The following TTN variants were observed in gnomAD, a reference collection of about 807,000 sequenced individuals.
TTN encodes the protein connectin.
TTN carries 1,525 observed loss-of-function variants against 3,223.0 expected under a neutral mutation model. The ratio of observed to expected loss-of-function variants is 0.47; its 90% confidence interval spans 0.45 to 0.49. TTN has a LOEUF of 0.49. TTN is among the 20% of genes least tolerant of loss of function. The pLI, the probability that TTN is intolerant of heterozygous loss-of-function variation, is 0.00. For missense variants in TTN, 40,786 were observed against 43,424.0 expected, an observed-to-expected ratio of 0.94 and a Z score of 5.40; for synonymous variants, 14,094 against 15,161.0, an observed-to-expected ratio of 0.93 and a Z score of 5.17.
Position 178,546,225 on chromosome 2 carries a change from C to T in TTN, c.95106G>A (p.Met31702Ile). 3 of 1,609,930 alleles carry T rather than the reference C, an allele frequency of 1.9e-6. No homozygotes were observed. Among genetic ancestry groups the T allele is most frequent in the Non-Finnish European group, 2.5e-6 (3 of 1,177,090 alleles). Residue 31702 changes from methionine to isoleucine, a missense_variant, in exon 342 of 363, where the codon ATG (methionine) becomes ATA (isoleucine). Coordinates refer to ENST00000589042, the MANE Select transcript of TTN (RefSeq NM_001267550.2). The part of the protein sequence containing the change: ...NASGTKAVSV[M>I]VKVLDSPGPC... ...TGACATGCTTACCAAGCACTTTGAC[C>T]ATGACAGACACGGCCTTGGTCCCGC... is the stretch of plus-strand genomic sequence containing the variant.
chr2:178,776,064 C>A lies in TTN; in HGVS notation c.5800G>T (p.Asp1934Tyr). 1 of 1,614,168 alleles carries A rather than the reference C, an allele frequency of 6.2e-7. No homozygotes were observed. Among genetic ancestry groups the A allele is most frequent in the Non-Finnish European group, 8.5e-7 (1 of 1,180,008 alleles). The change falls in exon 28 of 363, where the codon GAT becomes TAT. Residue 1934 changes from aspartate (D) to tyrosine (Y), a missense_variant. By Grantham distance (160) the Asp-to-Tyr change is radical (BLOSUM62 -3). Coordinates refer to ENST00000589042, the MANE Select transcript of TTN (RefSeq NM_001267550.2). ...KVKLEIQQRE[D>Y]FRSVLRRAPE... ...GCTCTCCTAAGGACAGACCTAAAATCTTCCCTCTGTTGAATCTCAAGCTTC... is the reference window on the plus strand; with the variant it reads ...GCTCTCCTAAGGACAGACCTAAAATATTCCCTCTGTTGAATCTCAAGCTTC...
Position 178,560,345 on chromosome 2 carries a change from C to T in TTN, c.85787G>A (p.Arg28596Lys). The change falls in exon 326 of 363, where the codon AGA becomes AAA. Residue 28596 changes from arginine to lysine, a missense_variant. Arg to Lys is a conservative substitution (Grantham distance 26). Transcript: ENST00000589042. Reference protein sequence around the residue: ...IIERREKNSLRWVRVNKKPVY... With the variant: ...IIERREKNSLKWVRVNKKPVY... ...TGGTTTTTTGTTTACACGCACCCAT[C>T]TTAGGCTATTTTTCTCTCGCCTTTC... The T allele has an allele frequency of 6.2e-7, 1 of 1,613,746 alleles. No homozygotes were observed. The highest frequency in any genetic ancestry group is 8.5e-7 in the Non-Finnish European group (1 of 1,179,772).
chr2:178,582,446 C>T lies in TTN; in HGVS notation c.66010G>A (p.Ala22004Thr). The T allele has an allele frequency of 6.2e-7, 1 of 1,612,924 alleles. No homozygotes were observed. The highest frequency in any genetic ancestry group is 8.5e-7 in the Non-Finnish European group (1 of 1,179,378). ...DKRETSRPNW[A>T]QVSATVPITS... is the part of the protein sequence containing the mutation. ...ATAGGCACAGTTGCAGAGACTTGAG[C>T]CCAGTTGGGCCTGCTTGTTTCACGT... The change falls in exon 314 of 363, where the codon GCT (alanine) becomes ACT (threonine). Residue 22004 changes from alanine to threonine, a missense_variant. Coordinates refer to ENST00000589042, the MANE Select transcript of TTN (RefSeq NM_001267550.2).
In TTN at chr2:178,625,292, G is replaced by A. The variant is rs55973744; in HGVS notation, c.44529C>T (p.His14843=). The A allele has an allele frequency of 7.3e-4, 1,167 of 1,605,694 alleles. 17 individuals carry two copies. In the East Asian group the frequency reaches 0.02, roughly 28 times the overall value. Residue 14843 remains histidine, a synonymous_variant, in exon 241 of 363, where the codon CAC becomes CAT. Coordinates refer to ENST00000589042, the MANE Select transcript of TTN (RefSeq NM_001267550.2). ...AATTACCTTTCACAAAGAGGTTGGC[G>A]TGAGTTTTGAAATCTTTTGCTGTTA... The part of the protein sequence containing the change: ...VQLTAKDFKT[H]ANLFVKEPPV...
At chr2:178,680,980 T>C (rs748404272) in intron 138 of TTN, 99 bp downstream of exon 138, 5 of 1,091,506 alleles carry the variant, frequency 4.6e-6, no homozygotes, top group Non-Finnish European at 6.5e-6. Flanking sequence ...GACAACTAAT[T>C]TAAAAGACAT....
chr2:178,795,636 G>A (rs2093728733), intron 6 of TTN, among the ~76,000 whole-genome samples: 1 of 152,108 alleles, frequency 6.6e-6, no homozygotes, highest in Non-Finnish European at 1.5e-5. Context: ...ATTCTGGGGG[G>A]GTTAGAGGAT....
rs529707583 is a variant in TTN, at chr2:178,769,988, T to C, written c.8642-49A>G. ...CAGTTAATACAATTTGTTTAAAAAG[T>C]AGATGAAACCAAACAAATAGATACA... On this transcript the variant is annotated intron_variant, in intron 36 of 362. Coordinates refer to ENST00000589042, the MANE Select transcript of TTN (RefSeq NM_001267550.2). The C allele has an allele frequency of 8.9e-5, 143 of 1,614,128 alleles. 3 individuals carry two copies. The South Asian group carries it at 1.4e-3, about 16-fold the overall frequency.
At position 178,566,357 on chromosome 2, in the gene TTN, A is replaced by C; in HGVS notation, c.79775T>G (p.Leu26592Arg). The C allele has an allele frequency of 6.2e-7, 1 of 1,613,584 alleles. No homozygotes were observed. The highest frequency in any genetic ancestry group is 1.3e-5 in the African/African-American group (1 of 75,032). The change falls in exon 326 of 363, where the codon CTT becomes CGT. Residue 26592 changes from leucine (L) to arginine (R), a missense_variant. Leu to Arg is a moderately radical substitution (Grantham distance 102). Transcript: ENST00000589042. The part of the protein sequence containing the change: ...KPEDKLEAPE[L>R]DLDSELRKGI... ...TTTTCTTAATTCGGAGTCAAGGTCA[A>C]GTTCAGGTGCTTCAAGTTTATCTTC...
intron 310 of TTN, 40 bp downstream of exon 310, chr2:178,584,628 TA>T (rs1323673739): frequency 6.2e-7 from 1 of 1,610,224 alleles, no homozygotes; most frequent in African/African-American, 1.3e-5. Flanking sequence ...AGTAACAAAC[TA>T]GAAAGAAAAC....
At position 178,718,738 on chromosome 2, in the gene TTN, A is replaced by G. The variant is rs368783429; in HGVS notation, c.24462T>C (p.Asn8154=). The change falls in exon 84 of 363, where the codon AAT becomes AAC. Residue 8154 remains asparagine (N), a synonymous_variant. Coordinates refer to ENST00000589042, the MANE Select transcript of TTN (RefSeq NM_001267550.2). Reference sequence around the variant, plus strand: ...TGGTACAGGAAGCACTGCCAGCATCATTTGTAACGAGGCAAGAATAGTCTC... The same window carrying G: ...TGGTACAGGAAGCACTGCCAGCATCGTTTGTAACGAGGCAAGAATAGTCTC... The part of the protein sequence containing the change: ...ESGDYSCLVT[N]DAGSASCTTH... 1 of 1,613,712 alleles carries G rather than the reference A, an allele frequency of 6.2e-7. No homozygotes were observed. The highest frequency in any genetic ancestry group is 1.3e-5 in the African/African-American group (1 of 74,934).
intron 362 of TTN, 60 bp downstream of exon 362, chr2:178,527,386 A>G (rs1454131146): frequency 5.7e-6 from 9 of 1,583,796 alleles, no homozygotes; most frequent in South Asian, 1.2e-5. Flanking sequence ...AATTGTGTGT[A>G]CTAAAGACTA....
Position 178,533,528 on chromosome 2 carries a change from G to A in TTN, c.103087C>T (p.Pro34363Ser), listed in dbSNP as rs771573240. The change falls in exon 358 of 363, where the codon CCC becomes TCC. Residue 34363 changes from proline to serine, a missense_variant. Pro to Ser is a moderately conservative substitution (Grantham distance 74). Coordinates refer to ENST00000589042, the MANE Select transcript of TTN (RefSeq NM_001267550.2). ...TTTGCCAGTAACCTTTTGAACATGG[G>A]TCTTAAGGTACTATCTGTTGGAGGT... ...HPPPTDSTLRPMFKRLLANAE... is the reference protein window; with the variant it reads ...HPPPTDSTLRSMFKRLLANAE... 8 of 1,613,764 alleles carry A rather than the reference G, an allele frequency of 5.0e-6. No homozygotes were observed. Among genetic ancestry groups the A allele is most frequent in the Non-Finnish European group, 6.8e-6 (8 of 1,179,844 alleles).
rs781781974 is a variant in TTN, at chr2:178,775,752, G to T, written c.6112C>A (p.Leu2038Ile). 2 of 1,613,848 alleles carry T rather than the reference G, an allele frequency of 1.2e-6. No homozygotes were observed. The highest frequency in any genetic ancestry group is 1.7e-6 in the Non-Finnish European group (2 of 1,179,956). The change falls in exon 28 of 363, where the codon CTT becomes ATT. Residue 2038 changes from leucine to isoleucine, a missense_variant. Physicochemically the swap from Leu to Ile is conservative, Grantham distance 5. Transcript: ENST00000589042. The stretch of plus-strand genomic sequence containing the variant: ...GTTAACTCTTTGGTCCAGTGGAGAA[G>T]TTCATCTTTTGTCTTCCTGAGGAGT... ...EELLRKTKDE[L>I]LHWTKELTEE...
At position 178,563,585 on chromosome 2, in the gene TTN, C is replaced by T. The variant is rs2154161494; in HGVS notation, c.82547G>A (p.Trp27516Ter). 1 of 1,613,772 alleles carries T rather than the reference C, an allele frequency of 6.2e-7. No homozygotes were observed. Among genetic ancestry groups the T allele is most frequent in the Non-Finnish European group, 8.5e-7 (1 of 1,179,768 alleles). Residue 27516 changes from tryptophan to a stop codon, truncating the protein, a stop_gained, in exon 326 of 363, where the codon TGG becomes TAG. Coordinates refer to ENST00000589042, the MANE Select transcript of TTN (RefSeq NM_001267550.2). LOFTEE classifies it high-confidence loss of function. The surrounding 1 kb of genome is among the most constrained non-coding windows in gnomAD (Gnocchi z 4.5). ...LEKRDKEGVR[W>*]TKCNKKTLTD... ...TAATGTTTTCTTGTTGCACTTGGTC[C>T]ATCTAACGCCTTCCTTATCTCGTTT... is the stretch of plus-strand genomic sequence containing the variant.
Position 178,717,741 on chromosome 2 carries a change from G to A in TTN, c.25133C>T (p.Ala8378Val). The A allele has an allele frequency of 1.2e-6, 2 of 1,613,222 alleles. No individual in the cohort carries two copies. The highest frequency in any genetic ancestry group is 1.1e-5 in the South Asian group (1 of 90,978). Residue 8378 changes from alanine to valine, a missense_variant, in exon 87 of 363, where the codon GCA becomes GTA. Physicochemically the swap from Ala to Val is moderately conservative, Grantham distance 64. Coordinates refer to ENST00000589042, the MANE Select transcript of TTN (RefSeq NM_001267550.2). ...DVHETLGFPVAFECRINGSEP... is the reference protein window; with the variant it reads ...DVHETLGFPVVFECRINGSEP... ...TGAGCCATTGATGCGGCATTCAAAT[G>A]CAACTGGGAAGCCTAGAGTCTCATG...
intron 21 of TTN, among the ~76,000 whole-genome samples, 177 bp from the exon 22 acceptor site, chr2:178,780,382 A>G (rs967964326): frequency 2.0e-5 from 3 of 152,204 alleles, no homozygotes; most frequent in Non-Finnish European, 4.4e-5. Flanking sequence ...CCAAACTAAC[A>G]CTAACAAATC....
rs1238110016 is a variant in TTN, at chr2:178,573,166, A to G, written c.72966T>C (p.Phe24322=). The stretch of plus-strand genomic sequence containing the variant: ...GTGGGTTACCTGGTGGTCCAGGTTT[A>G]AACACAGTGTCACAAGCCTTGTAAA... ...SPFYKACDTV[F]KPGPPGNPRV... is the part of the protein sequence containing the mutation. Residue 24322 remains phenylalanine (F), a synonymous_variant, in exon 326 of 363, where the codon TTT becomes TTC. Coordinates refer to ENST00000589042, the MANE Select transcript of TTN (RefSeq NM_001267550.2). The G allele has an allele frequency of 5.6e-6, 9 of 1,612,592 alleles. No individual in the cohort carries two copies. Among genetic ancestry groups the G allele is most frequent in the Non-Finnish European group, 6.8e-6 (8 of 1,179,250 alleles).
rs1476848656 is a variant in TTN, at chr2:178,544,499, A to G, written c.95730T>C (p.Pro31910=). ...CAACTCTTGGAGCAGAAGGTGGTCC[A>G]GGGGTATCTGTGGAATTTAAAAAGT... The part of the protein sequence containing the change: ...FISCREPSYT[P]GPPSAPRVVD... The change falls in exon 345 of 363, where the codon CCT becomes CCC. Residue 31910 remains proline, a synonymous_variant. Coordinates refer to ENST00000589042, the MANE Select transcript of TTN (RefSeq NM_001267550.2). The G allele has an allele frequency of 1.3e-6, 2 of 1,593,212 alleles. No individual in the cohort carries two copies. Among genetic ancestry groups the G allele is most frequent in the Non-Finnish European group, 8.6e-7 (1 of 1,164,888 alleles).
chr2:178,528,035 C>T (rs1175079678), intron 361 of TTN: 5 of 555,606 alleles, frequency 9.0e-6, no homozygotes, highest in South Asian at 6.3e-5. Context: ...ACATATTGTG[C>T]ATCCTGCAAA....
Sources: gnomAD v4.1 joint callset for allele counts (sites outside exome capture counted in the v4.1 genomes callset) on GRCh38, gnomAD v4.1.1 for gene constraint, Gnocchi (gnomAD v3.1) non-coding constraint, MANE v1.5 for transcripts, NCBI Gene and HGNC (gene_info 2026-07-23, HGNC 2026-07-21) for gene names.